The following PABPC1 variants were observed in gnomAD, a reference collection of about 807,000 sequenced individuals.
PABPC1 encodes poly(A) binding protein cytoplasmic 1.
Under a neutral mutation model 74.0 loss-of-function variants are expected in PABPC1, and 4 were observed. The observed-to-expected ratio is 0.05, with a 90% CI of 0.03 to 0.12. The LOEUF is 0.12. Among genes scored for constraint, PABPC1 ranks in the 10% least tolerant of loss-of-function variants. PABPC1 has a pLI of 1.00. For synonymous variants in PABPC1, 227 were observed against 264.1 expected, an observed-to-expected ratio of 0.86 and a Z score of 1.36; for missense variants, 271 against 821.1, an observed-to-expected ratio of 0.33 and a Z score of 8.19.
At chr8:100,705,431 G>A (rs187006679) in intron 12 of PABPC1, among the ~76,000 whole-genome samples, 158 bp downstream of exon 12, 2 of 152,350 alleles carry the variant, frequency 1.3e-5, no homozygotes, top group African/African-American at 4.8e-5. Flanking sequence ...TGGCTTTCCA[G>A]TGGTTTTAAT....
At position 100,717,750 on chromosome 8, in the gene PABPC1, TTAGC is replaced by T. The variant is rs749147114; in HGVS notation, c.503+19_503+22del. ...ATTAAAAATAAGATTCAAAATATGA[TTAGC>T]TAGATATTTATAACTTACACTTTGC... On this transcript the variant is annotated intron_variant, in intron 3 of 14. Coordinates refer to ENST00000318607, the MANE Select transcript of PABPC1 (RefSeq NM_002568.4). 7.7e-7 allele frequency: 1 copy of T among 1,296,292 alleles called. No individual in the cohort carries two copies. Among genetic ancestry groups the T allele is most frequent in the Non-Finnish European group, 1.1e-6 (1 of 901,618 alleles). 80.3% of individuals were successfully genotyped at this position (1,296,292 alleles called of 1,614,324 possible). A position where few individuals can be genotyped will look rare whatever the true frequency, so the allele number is the denominator to read the frequency against.
Position 100,705,066 on chromosome 8 carries a change from G to GA in PABPC1, c.1688-11dup. On this transcript the variant is annotated splice_polypyrimidine_tract_variant and intron_variant, in intron 12 of 14. Coordinates refer to ENST00000318607, the MANE Select transcript of PABPC1 (RefSeq NM_002568.4). The stretch of plus-strand genomic sequence containing the variant: ...GGAAACAGCCGTTCACCTAGGAACA[G>GA]AAACATTCAAAAACTCCCTTCAATA... The GA allele has an allele frequency of 6.2e-7, 1 of 1,602,174 alleles. No homozygotes were observed. The highest frequency in any genetic ancestry group is 8.5e-7 in the Non-Finnish European group (1 of 1,176,922).
intron 9 of PABPC1, among the ~76,000 whole-genome samples, chr8:100,708,865 C>T (rs919637242): frequency 2.9e-5 from 4 of 137,298 alleles, no homozygotes; most frequent in Admixed American, 7.1e-5. Flanking sequence ...GGCAACAGAG[C>T]GAGACTCTGT....
intron 4 of PABPC1, among the ~76,000 whole-genome samples, chr8:100,714,073 T>C (rs1231027051): frequency 6.6e-6 from 1 of 152,134 alleles, no homozygotes; most frequent in Non-Finnish European, 1.5e-5. Context: ...GCAGAAAAGG[T>C]TAAAAATCAC....
chr8:100,713,435 A>G (rs1810581810), intron 4 of PABPC1, among the ~76,000 whole-genome samples: 1 of 152,142 alleles, frequency 6.6e-6, no homozygotes, highest in African/African-American at 2.4e-5. Context: ...GGCTGTAAAA[A>G]GTTTTATTCT....
intron 4 of PABPC1, among the ~76,000 whole-genome samples, chr8:100,714,219 C>T: frequency 6.6e-6 from 1 of 152,264 alleles, no homozygotes; most frequent in Middle Eastern, 3.4e-3. Flanking sequence ...ATTACTCATA[C>T]GGTAGGTAGT....
intron 3 of PABPC1, among the ~76,000 whole-genome samples, chr8:100,716,283 C>T (rs3104313): frequency 2.0e-5 from 3 of 152,044 alleles, no homozygotes; most frequent in Non-Finnish European, 2.9e-5. Context: ...CACCTGTAAT[C>T]CCACCTACTT....
rs1810282703 is a variant in PABPC1 at position 100,703,041 on chromosome 8, C to CA, written c.*319dup. The CA allele has an allele frequency of 2.9e-5, 4 of 137,746 alleles. No individual in the cohort carries two copies. Among genetic ancestry groups the CA allele is most frequent in the Middle Eastern group, 7.6e-3 (2 of 264 alleles). 8.5% of individuals were successfully genotyped at this position (137,746 alleles called of 1,614,324 possible). Reference sequence around the variant, plus strand: ...TGAGCTATTCCACAGTAAAGAATTACAAAATTAAAGAAAGGAATGCTTTAA... The same window carrying CA: ...TGAGCTATTCCACAGTAAAGAATTACAAAAATTAAAGAAAGGAATGCTTTAA... On this transcript the variant is annotated 3_prime_UTR_variant, in exon 15 of 15. Transcript: ENST00000318607.
At chr8:100,710,164 G>A (rs1465910498) in intron 7 of PABPC1, among the ~76,000 whole-genome samples, 1 of 152,078 alleles carries the variant, frequency 6.6e-6, no homozygotes, top group Admixed American at 6.5e-5. Context: ...GAAAAAAGTA[G>A]TTGAATCTTA....
At chr8:100,719,594 A>G (rs951528779) in intron 1 of PABPC1, among the ~76,000 whole-genome samples, 1 of 152,218 alleles carries the variant, frequency 6.6e-6, no homozygotes, top group Admixed American at 6.5e-5. Context: ...AAACTGCCAT[A>G]TTCTTTTCAG....
Position 100,712,635 on chromosome 8 carries a change from T to C in PABPC1, c.876+17A>G, listed in dbSNP as rs766390007. ...CCTCATCCCTGTCTTATTTTGGTTG[T>C]TCAATTAAAAATGAACCTGGTATCT... is the stretch of plus-strand genomic sequence containing the variant. On this transcript the variant is annotated intron_variant, in intron 6 of 14. Transcript: ENST00000318607. 1.3e-6 allele frequency: 2 copies of C among 1,593,632 alleles called. No homozygotes were observed. The highest frequency in any genetic ancestry group is 1.7e-6 in the Non-Finnish European group (2 of 1,173,340).
At chr8:100,714,600 G>C (rs534199987) in intron 4 of PABPC1, among the ~76,000 whole-genome samples, 1 of 152,038 alleles carries the variant, frequency 6.6e-6, no homozygotes, top group South Asian at 2.1e-4. Context: ...GCATGGTGGC[G>C]CACACCTGTA....
chr8:100,720,626 G>A (rs984885396), intron 1 of PABPC1, among the ~76,000 whole-genome samples: 2 of 152,182 alleles, frequency 1.3e-5, no homozygotes, highest in African/African-American at 4.8e-5. Flanking sequence ...ACTAAAAATG[G>A]TCTAAGTTGC....
At position 100,721,485 on chromosome 8, in the gene PABPC1, C is replaced by A. The variant is rs148248545; in HGVS notation, c.99G>T (p.Pro33=). ...CCCGGATGGAGAGGATGGGCCCGGC[C>A]GGGCTGAACTTCTCGTAGAGCATCG... ...TEAMLYEKFS[P]AGPILSIRVC... Residue 33 remains proline (P), a synonymous_variant, in exon 1 of 15, where the codon CCG becomes CCT. Coordinates refer to ENST00000318607, the MANE Select transcript of PABPC1 (RefSeq NM_002568.4). This position sits in a 1 kb window ranked among gnomAD's most constrained non-coding sequence, Gnocchi z 7.4. 1 of 1,611,968 alleles carries A rather than the reference C, an allele frequency of 6.2e-7. No individual in the cohort carries two copies. The highest frequency in any genetic ancestry group is 1.7e-5 in the Admixed American group (1 of 59,908).
chr8:100,707,727 T>G (rs914754942), intron 9 of PABPC1, among the ~76,000 whole-genome samples: 1 of 152,202 alleles, frequency 6.6e-6, no homozygotes, highest in Non-Finnish European at 1.5e-5. Context: ...TGTCAGGCCC[T>G]CCACAAGAGG....
At chr8:100,716,937 T>C (rs575624813) in intron 3 of PABPC1, among the ~76,000 whole-genome samples, 5 of 152,352 alleles carry the variant, frequency 3.3e-5, no homozygotes, top group African/African-American at 9.6e-5. Flanking sequence ...CAACATATCA[T>C]TCTTTTCTGG....
intron 2 of PABPC1, 25 bp downstream of exon 2, chr8:100,718,060 CAT>C (rs753617303): frequency 1.8e-5 from 28 of 1,582,224 alleles, no homozygotes; most frequent in Middle Eastern, 3.3e-4. Context: ...ACAATGTAAA[CAT>C]GTGTATCGGA....
At position 100,704,287 on chromosome 8, in the gene PABPC1, A is replaced by G. The variant is rs1371803931; in HGVS notation, c.*1+10T>C. ...AAGCTTAAAACAACAAACCAGAGGG[A>G]AAAGCTCACTTTAAACAGTTGGAAC... On this transcript the variant is annotated intron_variant, in intron 14 of 14. Coordinates refer to ENST00000318607, the MANE Select transcript of PABPC1 (RefSeq NM_002568.4). 1 of 1,603,124 alleles carries G rather than the reference A, an allele frequency of 6.2e-7. No individual in the cohort carries two copies. The highest frequency in any genetic ancestry group is 8.5e-7 in the Non-Finnish European group (1 of 1,170,176).
intron 12 of PABPC1, 31 bp from the exon 13 acceptor site, chr8:100,705,087 C>T (rs1810346301): frequency 1.3e-6 from 2 of 1,591,830 alleles, no homozygotes; most frequent in Non-Finnish European, 1.7e-6. Flanking sequence ...AAACTCCCTT[C>T]AATAAAAAAA....
Sources: gnomAD v4.1 joint callset for allele counts (sites outside exome capture counted in the v4.1 genomes callset) on GRCh38, gnomAD v4.1.1 for gene constraint, Gnocchi (gnomAD v3.1) non-coding constraint, MANE v1.5 for transcripts, NCBI Gene and HGNC (gene_info 2026-07-23, HGNC 2026-07-21) for gene names.